The following ROBO2 variants were observed in gnomAD, a reference collection of about 807,000 sequenced individuals.
ROBO2 encodes roundabout homolog 2.
In ROBO2, 53 loss-of-function variants were observed where a neutral mutation model predicts 160.8. The observed-to-expected ratio is 0.33, with a 90% CI of 0.26 to 0.41. The LOEUF is 0.41. Among genes scored for constraint, ROBO2 ranks in the 10% least tolerant of loss-of-function variants. The pLI is 1.00. For synonymous variants in ROBO2, 664 were observed against 611.7 expected (o/e 1.09, Z -1.26); for missense variants, 1,577 against 1,722.4 (o/e 0.92, Z 1.49).
At chr3:76,392,738 A>T (rs991645275) in intron 2 of ROBO2, among the ~76,000 whole-genome samples, 1 of 152,172 alleles carries the variant, frequency 6.6e-6, no homozygotes, top group South Asian at 2.1e-4. Flanking sequence ...ATATCAGAAC[A>T]TTTTTTTATA....
At chr3:76,353,064 G>A (rs1364480478) in intron 2 of ROBO2, among the ~76,000 whole-genome samples, 1 of 151,860 alleles carries the variant, frequency 6.6e-6, no homozygotes, top group Non-Finnish European at 1.5e-5. Context: ...ATGATTCGTC[G>A]GACTTTGCAT....
At chr3:77,264,925 C>G (rs2059030140) in intron 2 of ROBO2, among the ~76,000 whole-genome samples, 1 of 152,086 alleles carries the variant, frequency 6.6e-6, no homozygotes, top group Non-Finnish European at 1.5e-5. Context: ...TTAGGTGTAT[C>G]ACTATAGAAA....
At chr3:77,466,226 G>A (rs567279858) in intron 2 of ROBO2, among the ~76,000 whole-genome samples, 1 of 152,208 alleles carries the variant, frequency 6.6e-6, no homozygotes, top group South Asian at 2.1e-4. Context: ...GAAGAATATA[G>A]GATGTCAAAT....
chr3:76,119,887 CTTCCCTTCCTTCCCTTCCT>C (rs2070650773), intron 2 of ROBO2, among the ~76,000 whole-genome samples: 2 of 135,376 alleles, frequency 1.5e-5, no homozygotes, highest in African/African-American at 5.8e-5. Flanking sequence ...CCTTCCTTCC[CTTCCCTTCCTTCCCTTCCT>C]TCCCTCCCTC....
At chr3:76,915,162 T>C (rs375971059) in intron 2 of ROBO2, among the ~76,000 whole-genome samples, 4 of 152,330 alleles carry the variant, frequency 2.6e-5, no homozygotes, top group African/African-American at 9.6e-5. Context: ...CCTGCCAGAC[T>C]GTAAGTTCCA....
intron 2 of ROBO2, among the ~76,000 whole-genome samples, chr3:76,575,869 G>A (rs1382607697): frequency 6.6e-6 from 1 of 151,916 alleles, no homozygotes; most frequent in Non-Finnish European, 1.5e-5. Context: ...GAGAGAGAGA[G>A]GATTTTAGTG....
intron 2 of ROBO2, among the ~76,000 whole-genome samples, chr3:77,258,856 T>C (rs910061431): frequency 5.9e-5 from 9 of 152,228 alleles, no homozygotes; most frequent in African/African-American, 2.2e-4. Context: ...ACAAAATTTC[T>C]TTTAATTCAT....
chr3:77,380,638 C>T (rs2073317791), intron 2 of ROBO2, among the ~76,000 whole-genome samples: 2 of 151,604 alleles, frequency 1.3e-5, no homozygotes, highest in Admixed American at 1.3e-4. Flanking sequence ...CTAAAGTGCA[C>T]CTTCTTTTTT....
chr3:76,326,493 A>G (rs573818198), intron 2 of ROBO2, among the ~76,000 whole-genome samples: 9 of 152,308 alleles, frequency 5.9e-5, no homozygotes, highest in Admixed American at 2.0e-4. Flanking sequence ...ATTATGTTGC[A>G]TAATGCATAT....
At chr3:75,930,515 G>T (rs1315329908) in intron 1 of ROBO2, among the ~76,000 whole-genome samples, 1 of 152,046 alleles carries the variant, frequency 6.6e-6, no homozygotes, top group Non-Finnish European at 1.5e-5. Flanking sequence ...TAAGGGTTCT[G>T]TCCTAATTGC....
intron 2 of ROBO2, among the ~76,000 whole-genome samples, chr3:76,145,051 C>A (rs1055380029): frequency 5.3e-5 from 8 of 151,300 alleles, no homozygotes; most frequent in Admixed American, 4.6e-4. Context: ...AGCAGTCATG[C>A]AATTCCTGTG....
At position 76,967,881 on chromosome 3, in the gene ROBO2, T is replaced by G. The variant is rs565202032; in HGVS notation, c.110-130133T>G. Among the ~76,000 whole-genome samples the G allele has an allele frequency of 1.1e-4, 16 of 152,270 alleles. No individual in the cohort carries two copies. In the South Asian group the frequency reaches 3.3e-3, roughly 32 times the overall value. Reference sequence around the variant, plus strand: ...TTTATGGTACTTTCTTCCCTCTTGCTAAGATTGCTTATCTCCGTTTTAGAT... The same window carrying G: ...TTTATGGTACTTTCTTCCCTCTTGCGAAGATTGCTTATCTCCGTTTTAGAT... On this transcript the variant is annotated intron_variant, in intron 2 of 26. Transcript: ENST00000487694.
chr3:77,341,811 G>C (rs1226198347), intron 2 of ROBO2, among the ~76,000 whole-genome samples: 1 of 151,786 alleles, frequency 6.6e-6, no homozygotes, highest in African/African-American at 2.4e-5. Context: ...TGTGGAACAT[G>C]AGTGGTTATA....
intron 2 of ROBO2, among the ~76,000 whole-genome samples, chr3:77,269,390 A>G (rs1452318959): frequency 6.6e-6 from 1 of 152,222 alleles, no homozygotes; most frequent in Non-Finnish European, 1.5e-5. Context: ...TGCATTCCCA[A>G]TTGAATCTCA....
intron 2 of ROBO2, among the ~76,000 whole-genome samples, chr3:76,581,585 C>A (rs1420467986): frequency 6.6e-6 from 1 of 152,112 alleles, no homozygotes; most frequent in Admixed American, 6.5e-5. Context: ...CTGCAGTGAG[C>A]TATGATCATG....
At chr3:76,231,174 T>G (rs1378448358) in intron 2 of ROBO2, among the ~76,000 whole-genome samples, 1 of 152,196 alleles carries the variant, frequency 6.6e-6, no homozygotes, top group Non-Finnish European at 1.5e-5. Flanking sequence ...TACACACCCA[T>G]GCCCTTCTGC....
At chr3:76,773,051 AG>A (rs555832300) in intron 2 of ROBO2, among the ~76,000 whole-genome samples, 18 of 151,254 alleles carry the variant, frequency 1.2e-4, no homozygotes, top group African/African-American at 4.3e-4. Flanking sequence ...GAGATTTCAA[AG>A]AAAACACAAA....
intron 2 of ROBO2, among the ~76,000 whole-genome samples, chr3:76,955,460 C>T (rs542554005): frequency 1.5e-4 from 23 of 152,208 alleles, no homozygotes; most frequent in African/African-American, 5.3e-4. Context: ...GGTAACTATA[C>T]CATTTTACAT....
chr3:77,162,918 C>G (rs543669906), intron 2 of ROBO2, among the ~76,000 whole-genome samples: 1 of 152,170 alleles, frequency 6.6e-6, no homozygotes, highest in South Asian at 2.1e-4. Flanking sequence ...CAACCTTGGC[C>G]TCCTGGGTTC....
Sources: gnomAD v4.1 joint callset for allele counts (sites outside exome capture counted in the v4.1 genomes callset) on GRCh38, gnomAD v4.1.1 for gene constraint, MANE v1.5 for transcripts, NCBI Gene and HGNC (gene_info 2026-07-23, HGNC 2026-07-21) for gene names.